Variants in ADAMTS6 observed in about 807,000 individuals in gnomAD.
The protein encoded by ADAMTS6 is ADAM metallopeptidase with thrombospondin type 1 motif 6.
Under a neutral mutation model 144.3 loss-of-function variants are expected in ADAMTS6, and 23 were observed. The ratio of observed to expected loss-of-function variants is 0.16; its 90% CI spans 0.11 to 0.23. The LOEUF is 0.23. Among genes scored for constraint, ADAMTS6 ranks in the 10% least tolerant of loss-of-function variants. ADAMTS6 has a pLI of 1.00. For missense variants in ADAMTS6, 999 were observed against 1,379.6 expected (o/e 0.72, Z 4.37); for synonymous variants, 444 against 457.5 (o/e 0.97, Z 0.38).
At chr5:65,409,012 A>C (rs2150179211) in intron 7 of ADAMTS6, among the ~76,000 whole-genome samples, 1 of 152,340 alleles carries the variant, frequency 6.6e-6, no homozygotes, top group African/African-American at 2.4e-5. Flanking sequence ...GTGTAGAGGG[A>C]AATTTATAGC....
rs1761304329 is a variant in ADAMTS6 at position 65,262,724 on chromosome 5, C to T, written c.1766+93G>A. ...TGAAGACAAGTACTTGGCTCACTAG[C>T]GAAACGTTTTTACAGATAACATGTG... is the stretch of plus-strand genomic sequence containing the variant. On this transcript the variant is annotated intron_variant, in intron 13 of 24. Coordinates refer to ENST00000381055, the MANE Select transcript of ADAMTS6 (RefSeq NM_197941.4). 1.0e-5 allele frequency: 14 copies of T among 1,382,448 alleles called. No homozygotes were observed. In the East Asian group the frequency reaches 1.1e-4, roughly 11 times the overall value. The allele number at this position is 1,382,448 out of a possible 1,614,324, so 85.6% of individuals were successfully genotyped here.
chr5:65,437,571 A>C (rs1388377066), intron 7 of ADAMTS6, among the ~76,000 whole-genome samples: 3 of 152,034 alleles, frequency 2.0e-5, no homozygotes, highest in African/African-American at 7.2e-5. Context: ...ACACAGCCAA[A>C]CCATATCACA....
chr5:65,169,591 G>A (rs1461420641), intron 24 of ADAMTS6, among the ~76,000 whole-genome samples: 4 of 146,720 alleles, frequency 2.7e-5, no homozygotes, highest in Non-Finnish European at 5.9e-5. Context: ...GCACACGTAT[G>A]TTTATTGCGG....
intron 4 of ADAMTS6, 60 bp from the exon 5 acceptor site, chr5:65,452,978 C>T: frequency 7.6e-7 from 1 of 1,311,570 alleles, no homozygotes; most frequent in Non-Finnish European, 1.1e-6. Context: ...ATTTATAGAT[C>T]TTTCATGTAG....
At chr5:65,319,722 AGGGAGGG>A (rs1561418518) in intron 9 of ADAMTS6, among the ~76,000 whole-genome samples, 3 of 16,744 alleles carry the variant, frequency 1.8e-4, no homozygotes, top group Admixed American at 1.1e-3. Flanking sequence ...GAGGGAAGGG[AGGGAGGG>A]AGGGAGGGAG....
intron 20 of ADAMTS6, 102 bp from the exon 21 acceptor site, chr5:65,197,253 T>C (rs1755447967): frequency 8.2e-7 from 1 of 1,219,460 alleles, no homozygotes; most frequent in Admixed American, 2.2e-5. Flanking sequence ...ACTGGATCGC[T>C]GCCGTCTTAT....
At chr5:65,230,089 T>TG (rs1179175425) in intron 15 of ADAMTS6, among the ~76,000 whole-genome samples, 11 of 151,846 alleles carry the variant, frequency 7.2e-5, no homozygotes, top group African/African-American at 2.2e-4. Flanking sequence ...CAGAAGAGGC[T>TG]GATAGCTACA....
At chr5:65,329,976 T>C (rs1208414143) in intron 8 of ADAMTS6, among the ~76,000 whole-genome samples, 4 of 152,082 alleles carry the variant, frequency 2.6e-5, no homozygotes, top group African/African-American at 4.8e-5. Context: ...AAATGAATGA[T>C]TCAAAAGATG....
At chr5:65,438,804 GA>G (rs1306708924) in intron 7 of ADAMTS6, among the ~76,000 whole-genome samples, 1 of 152,064 alleles carries the variant, frequency 6.6e-6, no homozygotes, top group African/African-American at 2.4e-5. Context: ...AAATATATTT[GA>G]AAAGATTTTA....
intron 9 of ADAMTS6, among the ~76,000 whole-genome samples, chr5:65,324,364 T>G (rs1252997168): frequency 6.6e-6 from 1 of 152,074 alleles, no homozygotes. Flanking sequence ...CTCACAATCT[T>G]GAAATATGCA....
intron 10 of ADAMTS6, among the ~76,000 whole-genome samples, chr5:65,297,460 T>C (rs1742949492): frequency 6.6e-6 from 1 of 152,204 alleles, no homozygotes; most frequent in South Asian, 2.1e-4. Flanking sequence ...GAGAAAGGTA[T>C]GCGTTTTGTT....
intron 7 of ADAMTS6, among the ~76,000 whole-genome samples, chr5:65,382,460 C>G (rs1752124881): frequency 6.6e-6 from 1 of 152,206 alleles, no homozygotes; most frequent in Non-Finnish European, 1.5e-5. Context: ...TATTTTGGGT[C>G]ATGATTGTCA....
chr5:65,395,996 C>T (rs571298112), intron 7 of ADAMTS6, among the ~76,000 whole-genome samples: 1 of 152,286 alleles, frequency 6.6e-6, no homozygotes, highest in Admixed American at 6.5e-5. Flanking sequence ...CACATTAGCC[C>T]AGCATAAGCC....
intron 18 of ADAMTS6, among the ~76,000 whole-genome samples, chr5:65,223,634 T>A (rs999762634): frequency 6.6e-6 from 1 of 152,190 alleles, no homozygotes; most frequent in African/African-American, 2.4e-5. Context: ...TGCAAATGAA[T>A]AGTTTCCTTG....
chr5:65,255,486 T>C (rs1367164827), intron 14 of ADAMTS6, among the ~76,000 whole-genome samples: 2 of 152,134 alleles, frequency 1.3e-5, no homozygotes, highest in African/African-American at 2.4e-5. Context: ...CTCCCACTTA[T>C]GGCTGAGAGC....
At chr5:65,363,738 A>G (rs1157797719) in intron 7 of ADAMTS6, among the ~76,000 whole-genome samples, 1 of 152,186 alleles carries the variant, frequency 6.6e-6, no homozygotes, top group Non-Finnish European at 1.5e-5. Flanking sequence ...TTCAATTAAG[A>G]ATAAGAGACT....
At chr5:65,320,589 G>A (rs1745519244) in intron 9 of ADAMTS6, among the ~76,000 whole-genome samples, 1 of 150,982 alleles carries the variant, frequency 6.6e-6, no homozygotes, top group Non-Finnish European at 1.5e-5. Context: ...AAGGGTACAA[G>A]TGAAGGTTTG....
chr5:65,447,326 A>C (rs891039049), intron 7 of ADAMTS6, among the ~76,000 whole-genome samples: 1 of 152,120 alleles, frequency 6.6e-6, no homozygotes, highest in South Asian at 2.1e-4. Flanking sequence ...TTTATTCCTA[A>C]GTAGCTATTA....
At chr5:65,316,154 C>T (rs530604684) in intron 9 of ADAMTS6, among the ~76,000 whole-genome samples, 80 of 152,216 alleles carry the variant, frequency 5.3e-4, no homozygotes, top group South Asian at 3.1e-3. Context: ...TCAGGCAATC[C>T]GCCCACCTCG....
Sources: allele counts gnomAD v4.1 joint callset (sites outside exome capture counted in the v4.1 genomes callset), GRCh38; gene constraint gnomAD v4.1.1; transcripts MANE v1.5; gene names NCBI Gene and HGNC (gene_info 2026-07-23, HGNC 2026-07-21).